Variants in RPA3 observed in about 807,000 individuals in gnomAD.
RPA3 encodes replication protein A3, also known as replication protein A 14 kDa subunit.
Under a neutral mutation model 13.7 loss-of-function variants are expected in RPA3, and 24 were observed. The observed-to-expected ratio is 1.75, with a 90% CI of 1.27 to 2.46. The LOEUF (loss-of-function observed/expected upper bound fraction) is 2.46. RPA3 is among the 30% of genes most tolerant of loss of function. The pLI, the probability that RPA3 is intolerant of heterozygous loss-of-function variation, is 0.00. For synonymous variants in RPA3, 59 were observed against 51.2 expected (o/e 1.15, Z -0.65); for missense variants, 183 against 151.0 (o/e 1.21, Z -1.11).
chr7:7,646,616 A>G (rs1785102140), intron 4 of RPA3, among the ~76,000 whole-genome samples: 1 of 151,210 alleles, frequency 6.6e-6, no homozygotes, highest in South Asian at 2.1e-4. Context: ...TTTCTTTATA[A>G]ATTACCCAGT....
At chr7:7,664,823 A>G (rs890381358) in intron 4 of RPA3, among the ~76,000 whole-genome samples, 5 of 152,308 alleles carry the variant, frequency 3.3e-5, no homozygotes, top group African/African-American at 1.2e-4. Flanking sequence ...TCTGTACTGT[A>G]TTGGTATCTC....
At chr7:7,699,885 T>C (rs564957837) in intron 2 of RPA3, among the ~76,000 whole-genome samples, 1 of 152,334 alleles carries the variant, frequency 6.6e-6, no homozygotes, top group Non-Finnish European at 1.5e-5. Context: ...TTTATATAAG[T>C]GGAAATACGT....
chr7:7,680,109 C>G (rs142199363), intron 4 of RPA3, among the ~76,000 whole-genome samples: 1 of 152,026 alleles, frequency 6.6e-6, no homozygotes, highest in East Asian at 1.9e-4. Context: ...CTCAAGAAAT[C>G]TTTGTTCAGA....
At chr7:7,644,126 T>A (rs913211161) in intron 4 of RPA3, among the ~76,000 whole-genome samples, 7 of 152,190 alleles carry the variant, frequency 4.6e-5, no homozygotes, top group African/African-American at 9.7e-5. Context: ...TTCCCCCAAT[T>A]TGATGGATAT....
chr7:7,671,236 G>C (rs1216035299), intron 4 of RPA3, among the ~76,000 whole-genome samples: 2 of 152,130 alleles, frequency 1.3e-5, no homozygotes, highest in Non-Finnish European at 2.9e-5. Context: ...TAAAATTTTT[G>C]CTAGATGTAA....
intron 2 of RPA3, among the ~76,000 whole-genome samples, chr7:7,711,222 T>C (rs747525682): frequency 2.6e-5 from 4 of 152,332 alleles, no homozygotes; most frequent in South Asian, 4.1e-4. Flanking sequence ...GATATTTCCA[T>C]ATAATTTCTC....
In RPA3 at chr7:7,636,750, A is replaced by G. The variant is rs1418336019; in HGVS notation, c.*250T>C. 11 of 381,454 alleles carry G rather than the reference A, an allele frequency of 2.9e-5. No individual in the cohort carries two copies. Among genetic ancestry groups the G allele is most frequent in the Non-Finnish European group, 5.1e-5 (11 of 214,920 alleles). The allele number at this position is 381,454 out of a possible 1,614,324, so 23.6% of individuals were successfully genotyped here. A position where few individuals can be genotyped will look rare whatever the true frequency, so the allele number is the denominator to read the frequency against. ...ATTTTAGTTTTTATTAATAAAATAG[A>G]AACTTAGACTCGGACAACTGCTTTA... On this transcript the variant is annotated 3_prime_UTR_variant, in exon 8 of 8. Coordinates refer to ENST00000223129, the MANE Select transcript of RPA3 (RefSeq NM_002947.5).
At chr7:7,715,741 T>C (rs1163658798) in intron 1 of RPA3, among the ~76,000 whole-genome samples, 1 of 152,164 alleles carries the variant, frequency 6.6e-6, no homozygotes, top group Non-Finnish European at 1.5e-5. Flanking sequence ...AATCAGAGTA[T>C]GTAAAGAGAT....
chr7:7,709,968 A>C (rs893532758), intron 2 of RPA3, among the ~76,000 whole-genome samples: 22 of 152,124 alleles, frequency 1.4e-4, no homozygotes, highest in Non-Finnish European at 3.1e-4. Context: ...CTTTTTAAAT[A>C]GTGTTAACAT....
At chr7:7,663,232 A>G (rs891467813) in intron 4 of RPA3, among the ~76,000 whole-genome samples, 6 of 148,940 alleles carry the variant, frequency 4.0e-5, no homozygotes, top group African/African-American at 1.5e-4. Context: ...CTTCCACTCA[A>G]GGGTTGGAAC....
chr7:7,692,361 A>T (rs1376306280), intron 2 of RPA3: 2 of 152,190 alleles, frequency 1.3e-5, no homozygotes, highest in Admixed American at 1.3e-4. Context: ...ACGTGGTAGA[A>T]ATAGGAGGAG....
At chr7:7,645,982 G>GCCGTA (rs1785085099) in intron 4 of RPA3, among the ~76,000 whole-genome samples, 1 of 151,960 alleles carries the variant, frequency 6.6e-6, no homozygotes, top group Non-Finnish European at 1.5e-5. Context: ...CGGCTGCCGT[G>GCCGTA]TACTCAAACC....
intron 4 of RPA3, among the ~76,000 whole-genome samples, chr7:7,676,466 G>A (rs1779741839): frequency 6.6e-6 from 1 of 152,018 alleles, no homozygotes; most frequent in Non-Finnish European, 1.5e-5. Flanking sequence ...CTAAACCACT[G>A]AACTATCCAT....
intron 4 of RPA3, among the ~76,000 whole-genome samples, chr7:7,671,995 C>T (rs1779617392): frequency 6.6e-6 from 1 of 152,106 alleles, no homozygotes; most frequent in South Asian, 2.1e-4. Context: ...TTCCTTTTAC[C>T]ATTCACTTAT....
chr7:7,716,552 C>T (rs560562836), intron 1 of RPA3, among the ~76,000 whole-genome samples: 2 of 152,350 alleles, frequency 1.3e-5, no homozygotes, highest in Admixed American at 1.3e-4. Context: ...AACATGGAGG[C>T]TCCACCTTCC....
At chr7:7,700,876 G>A (rs1020598056) in intron 2 of RPA3, among the ~76,000 whole-genome samples, 8 of 151,438 alleles carry the variant, frequency 5.3e-5, no homozygotes, top group Non-Finnish European at 1.2e-4. Context: ...TAACAAGAGC[G>A]AGACTCCATC....
At chr7:7,670,805 A>C (rs1489306238) in intron 4 of RPA3, among the ~76,000 whole-genome samples, 8 of 152,208 alleles carry the variant, frequency 5.3e-5, no homozygotes, top group African/African-American at 1.9e-4. Context: ...AAGGCGAACA[A>C]AGGGAGAGAG....
In RPA3 at chr7:7,637,698, A is replaced by T. The variant is rs376701096; in HGVS notation, c.283+166T>A. Among the ~76,000 whole-genome samples the T allele has an allele frequency of 3.0e-4, 45 of 151,840 alleles. 1 individual carries two copies. The East Asian group carries it at 7.9e-3, about 27-fold the overall frequency. On this transcript the variant is annotated intron_variant, in intron 7 of 7. Coordinates refer to ENST00000223129, the MANE Select transcript of RPA3 (RefSeq NM_002947.5). ...GTATGTTATGTAATTACATACAGTTATATAAAACTGTATGTTATGTAATTA... is the reference window on the plus strand; with the variant it reads ...GTATGTTATGTAATTACATACAGTTTTATAAAACTGTATGTTATGTAATTA...
rs149862958 is a variant in RPA3 at position 7,686,287 on chromosome 7, A to C, written c.-926-289T>G. On this transcript the variant is annotated intron_variant, in intron 3 of 7. Coordinates refer to ENST00000223129, the MANE Select transcript of RPA3 (RefSeq NM_002947.5). Reference sequence around the variant, plus strand: ...ATAGAGAGGGTGTATCAGGGCCACTATTGGGAAGTGTGTCCAGAAACATGG... The same window carrying C: ...ATAGAGAGGGTGTATCAGGGCCACTCTTGGGAAGTGTGTCCAGAAACATGG... Among the ~76,000 whole-genome samples, 771 of 152,268 alleles carry C rather than the reference A, an allele frequency of 5.1e-3. 8 individuals are homozygous for C. The highest frequency in any genetic ancestry group is 0.018 in the African/African-American group (732 of 41,564).
Sources: gnomAD v4.1 joint callset for allele counts (sites outside exome capture counted in the v4.1 genomes callset) on GRCh38, gnomAD v4.1.1 for gene constraint, MANE v1.5 for transcripts, NCBI Gene and HGNC (gene_info 2026-07-23, HGNC 2026-07-21) for gene names.